ZC3H6: variants seen among roughly 807,000 people sequenced by gnomAD.
The protein encoded by ZC3H6 is zinc finger CCCH domain-containing protein 6.
In ZC3H6, 40 loss-of-function variants were observed where a neutral mutation model predicts 107.7. That is an observed-to-expected ratio of 0.37 (90% CI 0.29 to 0.48). The LOEUF (loss-of-function observed/expected upper bound fraction) is 0.48, where lower values mean the gene tolerates loss of function less well. ZC3H6 is among the 20% of genes least tolerant of loss of function. The pLI, the probability that ZC3H6 is intolerant of heterozygous loss-of-function variation, is 0.98. For synonymous variants in ZC3H6, 493 were observed against 487.9 expected (o/e 1.01, Z -0.14); for missense variants, 1,267 against 1,410.4 (o/e 0.90, Z 1.63).
chr2:112,288,340 G>A (rs1686648952), intron 1 of ZC3H6, among the ~76,000 whole-genome samples: 1 of 152,150 alleles, frequency 6.6e-6, no homozygotes, highest in Non-Finnish European at 1.5e-5. Flanking sequence ...GGAAGTACTT[G>A]TAGTCCAGCA....
chr2:112,332,448 T>C lies in ZC3H6; in HGVS notation c.3530T>C (p.Val1177Ala). ...ACAGATGACAAATCTCTGAAAGAGG[T>C]TTTTAAAACTTTTGATCCAACTGCT... ...RETDDKSLKEVFKTFDPTASP... is the reference protein window; with the variant it reads ...RETDDKSLKEAFKTFDPTASP... Residue 1177 changes from valine to alanine, a missense_variant, in exon 12 of 12, where the codon GTT becomes GCT. This residue lies in a region of ZC3H6 where 925 missense variants were observed against 1,025.7 expected (regional missense o/e 0.90). Coordinates refer to ENST00000409871, the MANE Select transcript of ZC3H6 (RefSeq NM_198581.3). 1.2e-6 allele frequency: 2 copies of C among 1,609,540 alleles called. No homozygotes were observed. Among genetic ancestry groups the C allele is most frequent in the Non-Finnish European group, 8.5e-7 (1 of 1,178,912 alleles).
chr2:112,331,603 G>A lies in ZC3H6; in HGVS notation c.2685G>A (p.Val895=). ...LPVPLPKPDP[V]SSINLPLPPL... ...TACCTTTACCTAAACCTGATCCAGT[G>A]TCTTCAATCAATTTACCTCTGCCCC... Residue 895 remains valine (V), a synonymous_variant, in exon 12 of 12, where the codon GTG becomes GTA. Transcript: ENST00000409871. 7 of 1,613,948 alleles carry A rather than the reference G, an allele frequency of 4.3e-6. No individual in the cohort carries two copies. Among genetic ancestry groups the A allele is most frequent in the East Asian group, 2.2e-5 (1 of 44,882 alleles).
In ZC3H6 at chr2:112,324,344, A is replaced by C; in HGVS notation, c.1533A>C (p.Pro511=). The part of the protein sequence containing the change: ...HHPCAGPPGL[P]VPQSPPLPPG... ...CATGTGCAGGACCTCCTGGTCTACC[A>C]GTGCCACAGAGCCCACCTTTACCAC... The change falls in exon 10 of 12, where the codon CCA becomes CCC. Residue 511 remains proline (P), a synonymous_variant. Transcript: ENST00000409871. The C allele has an allele frequency of 3.1e-6, 5 of 1,614,016 alleles. No individual in the cohort carries two copies. Among genetic ancestry groups the C allele is most frequent in the Non-Finnish European group, 4.2e-6 (5 of 1,179,878 alleles).
In ZC3H6 at chr2:112,309,977, C is replaced by T. The variant is rs1333135165; in HGVS notation, c.429C>T (p.Tyr143=). Residue 143 remains tyrosine, a synonymous_variant, in exon 4 of 12, where the codon TAC becomes TAT. Coordinates refer to ENST00000409871, the MANE Select transcript of ZC3H6 (RefSeq NM_198581.3). ...KSKEYDEYST[Y]SDDNFGNYSD... Reference sequence around the variant, plus strand: ...AAGAATATGATGAGTACAGCACCTACAGTGATGACAACTTCGGTAACTACA... The same window carrying T: ...AAGAATATGATGAGTACAGCACCTATAGTGATGACAACTTCGGTAACTACA... The T allele has an allele frequency of 1.9e-6, 3 of 1,612,786 alleles. No homozygotes were observed. The highest frequency in any genetic ancestry group is 1.3e-5 in the African/African-American group (1 of 74,908).
At chr2:112,286,583 G>A (rs1686615699) in intron 1 of ZC3H6, among the ~76,000 whole-genome samples, 1 of 152,184 alleles carries the variant, frequency 6.6e-6, no homozygotes, top group African/African-American at 2.4e-5. Flanking sequence ...GACTATGGGC[G>A]CACAACACCA....
chr2:112,318,658 G>T (rs968819236), intron 7 of ZC3H6, among the ~76,000 whole-genome samples: 3 of 152,188 alleles, frequency 2.0e-5, no homozygotes, highest in African/African-American at 7.2e-5. Context: ...AGAAGACCTT[G>T]ATGCTGGCAA....
chr2:112,306,684 C>T (rs769765604), intron 3 of ZC3H6, among the ~76,000 whole-genome samples: 22 of 152,136 alleles, frequency 1.4e-4, no homozygotes, highest in Non-Finnish European at 2.4e-4. Flanking sequence ...AAACTTTATT[C>T]CAATTTCAGG....
intron 11 of ZC3H6, among the ~76,000 whole-genome samples, chr2:112,330,055 GTT>G (rs796884389): frequency 9.8e-5 from 14 of 142,776 alleles, no homozygotes; most frequent in Middle Eastern, 3.6e-3. Flanking sequence ...AGGATGGTAG[GTT>G]TTTTTTTTTT....
chr2:112,312,752 C>T (rs982348492), intron 5 of ZC3H6, among the ~76,000 whole-genome samples: 5 of 151,580 alleles, frequency 3.3e-5, no homozygotes, highest in Non-Finnish European at 5.9e-5. Flanking sequence ...CCCAGCTACT[C>T]GGGAGGCTGA....
chr2:112,330,942 ATAAT>A, intron 11 of ZC3H6, 59 bp from the exon 12 acceptor site: 1 of 506,554 alleles, frequency 2.0e-6, no homozygotes, highest in Non-Finnish European at 2.7e-6. Flanking sequence ...TTATAATATA[ATAAT>A]TTTATTATAT....
Position 112,275,635 on chromosome 2 carries a change from T to C in ZC3H6, c.-360T>C, listed in dbSNP as rs986598970. On this transcript the variant is annotated 5_prime_UTR_variant, in exon 1 of 12. Coordinates refer to ENST00000409871, the MANE Select transcript of ZC3H6 (RefSeq NM_198581.3). ...GCCGCCTGTTTCGGGTGCCGCCATGTTGGTGAGGAGAAATCACCGTTACGG... is the reference window on the plus strand; with the variant it reads ...GCCGCCTGTTTCGGGTGCCGCCATGCTGGTGAGGAGAAATCACCGTTACGG... The C allele has an allele frequency of 1.5e-5, 6 of 401,300 alleles. No individual in the cohort carries two copies. Among genetic ancestry groups the C allele is most frequent in the African/African-American group, 1.2e-4 (6 of 48,598 alleles). 24.9% of individuals were successfully genotyped at this position (401,300 alleles called of 1,614,324 possible). A position where few individuals can be genotyped will look rare whatever the true frequency, so the allele number is the denominator to read the frequency against.
At chr2:112,276,236 T>G (rs1342359043) in intron 1 of ZC3H6, among the ~76,000 whole-genome samples, 1 of 148,158 alleles carries the variant, frequency 6.7e-6, no homozygotes, top group Non-Finnish European at 1.5e-5. Context: ...CCGGGGTCGC[T>G]GCTCGCCAGC....
In ZC3H6 at chr2:112,311,927, A is replaced by T. The variant is rs751201619; in HGVS notation, c.737A>T (p.Asp246Val). 7 of 1,611,520 alleles carry T rather than the reference A, an allele frequency of 4.3e-6. No homozygotes were observed. Among genetic ancestry groups the T allele is most frequent in the Admixed American group, 1.7e-5 (1 of 59,712 alleles). Residue 246 changes from aspartate (D) to valine (V), a missense_variant, in exon 5 of 12, where the codon GAC becomes GTC. Asp to Val is a radical substitution (Grantham distance 152). Transcript: ENST00000409871. ...KGPNVFSVSDDFQEYNKPGKK... is the reference protein window; with the variant it reads ...KGPNVFSVSDVFQEYNKPGKK... ...CCTAATGTGTTTTCAGTATCGGATG[A>T]CTTTCAAGAGGTACTAAGAATTTAT... is the stretch of plus-strand genomic sequence containing the variant.
chr2:112,290,110 T>TA (rs1187976434), intron 1 of ZC3H6, among the ~76,000 whole-genome samples: 299 of 150,794 alleles, frequency 2.0e-3, no homozygotes, highest in Non-Finnish European at 2.7e-3. Context: ...GCTATTCAAT[T>TA]AAAAAAAAAA....
intron 1 of ZC3H6, among the ~76,000 whole-genome samples, chr2:112,282,901 A>G (rs2104692347): frequency 6.6e-6 from 1 of 152,240 alleles, no homozygotes; most frequent in East Asian, 1.9e-4. Context: ...TCTGCCTTCT[A>G]GGATATCCTT....
At chr2:112,297,827 T>C (rs949716268) in intron 1 of ZC3H6, among the ~76,000 whole-genome samples, 2 of 152,168 alleles carry the variant, frequency 1.3e-5, no homozygotes, top group Admixed American at 6.6e-5. Context: ...AGAATTAATA[T>C]TGACTGGCTG....
intron 7 of ZC3H6, among the ~76,000 whole-genome samples, chr2:112,320,277 A>C (rs1676778513): frequency 6.6e-6 from 1 of 152,230 alleles, no homozygotes; most frequent in African/African-American, 2.4e-5. Context: ...AATGATTGTG[A>C]ATATTGTATT....
At position 112,324,965 on chromosome 2, in the gene ZC3H6, T is replaced by C; in HGVS notation, c.1854T>C (p.Asp618=). Residue 618 remains aspartate (D), a splice_region_variant and synonymous_variant, in exon 11 of 12, where the codon GAT becomes GAC. Coordinates refer to ENST00000409871, the MANE Select transcript of ZC3H6 (RefSeq NM_198581.3). ...TCTCTCCCCATGTTATACATGTAGA[T>C]GGGATGTGGCATGGTGAATTTGCCC... ...HNFQPPNNSG[D]GMWHGEFAQQ... 6.3e-7 allele frequency: 1 copy of C among 1,597,048 alleles called. No individual in the cohort carries two copies. Among genetic ancestry groups the C allele is most frequent in the Non-Finnish European group, 8.5e-7 (1 of 1,171,192 alleles).
In ZC3H6 at chr2:112,317,246, A is replaced by G. The variant is rs1676716801; in HGVS notation, c.890A>G (p.Asp297Gly). 6.4e-7 allele frequency: 1 copy of G among 1,550,788 alleles called. No homozygotes were observed. Among genetic ancestry groups the G allele is most frequent in the Non-Finnish European group, 8.7e-7 (1 of 1,154,048 alleles). The change falls in exon 7 of 12, where the codon GAT becomes GGT. Residue 297 changes from aspartate (D) to glycine (G), a missense_variant. Physicochemically the swap from Asp to Gly is moderately conservative, Grantham distance 94. Around this residue, in one of 3 missense-constraint regions of ZC3H6, gnomAD observed 337 missense variants for 361.2 expected, o/e 0.93. Coordinates refer to ENST00000409871, the MANE Select transcript of ZC3H6 (RefSeq NM_198581.3). ...IKGDQCKFDHDAELEKRKEIC... is the reference protein window; with the variant it reads ...IKGDQCKFDHGAELEKRKEIC... ...GGAGATCAGTGTAAATTTGATCATGATGCAGAGTTGGAGAAAAGAAAAGAG... is the reference window on the plus strand; with the variant it reads ...GGAGATCAGTGTAAATTTGATCATGGTGCAGAGTTGGAGAAAAGAAAAGAG...
Sources: allele counts gnomAD v4.1 joint callset (sites outside exome capture counted in the v4.1 genomes callset), GRCh38; gene constraint gnomAD v4.1.1; regional missense constraint gnomAD v4.1.1; transcripts MANE v1.5; gene names NCBI Gene and HGNC (gene_info 2026-07-23, HGNC 2026-07-21).